Variants in NUP188 observed in about 807,000 individuals in gnomAD.
NUP188 encodes the protein nucleoporin 188.
A neutral mutation model predicts 223.0 loss-of-function variants in NUP188; 97 were observed. That is an observed-to-expected ratio of 0.43 (90% CI 0.37 to 0.51). NUP188 has a LOEUF of 0.51. Among genes scored for constraint, NUP188 ranks in the 20% least tolerant of loss-of-function variants. The pLI is 0.00. For missense variants in NUP188, 1,947 were observed against 2,175.6 expected (o/e 0.89, Z 2.09); for synonymous variants, 869 against 828.0 (o/e 1.05, Z -0.85).
Position 128,982,931 on chromosome 9 carries a change from C to T in NUP188, c.1699C>T (p.Pro567Ser). ...DVIQHCQRVK[P>S]IIDLVHKVIS... is the part of the protein sequence containing the mutation. ...GATTCAGCACTGCCAGCGAGTCAAACCCATCATTGATCTCGTCCATAAGGT... is the reference window on the plus strand; with the variant it reads ...GATTCAGCACTGCCAGCGAGTCAAATCCATCATTGATCTCGTCCATAAGGT... Residue 567 changes from proline to serine, a missense_variant, in exon 17 of 44, where the codon CCC becomes TCC. By Grantham distance (74) the Pro-to-Ser change is moderately conservative. Transcript: ENST00000372577. 6.2e-7 allele frequency: 1 copy of T among 1,614,166 alleles called. No homozygotes were observed. Among genetic ancestry groups the T allele is most frequent in the Non-Finnish European group, 8.5e-7 (1 of 1,180,022 alleles).
At chr9:128,991,324 G>T (rs1588286234) in intron 25 of NUP188, among the ~76,000 whole-genome samples, 1 of 151,968 alleles carries the variant, frequency 6.6e-6, no homozygotes, top group East Asian at 1.9e-4. Flanking sequence ...TGGATCATGA[G>T]GTCAGGGGTT....
chr9:128,964,869 C>A (rs1431479108), intron 8 of NUP188, among the ~76,000 whole-genome samples: 1 of 151,790 alleles, frequency 6.6e-6, no homozygotes, highest in Non-Finnish European at 1.5e-5. Context: ...ACCACGCCTT[C>A]CTAATTTGTG....
chr9:128,966,128 CGTGT>C (rs34851120), intron 8 of NUP188, among the ~76,000 whole-genome samples: 45,202 of 136,574 alleles, frequency 0.33, 6,978 homozygotes, highest in Middle Eastern at 0.43. Context: ...TTTCTGCCTC[CGTGT>C]GTGTGTGTGT....
At chr9:129,003,089 GC>G (rs1564568533) in intron 37 of NUP188, 114 bp downstream of exon 37, 1 of 1,260,246 alleles carries the variant, frequency 7.9e-7, no homozygotes, top group Non-Finnish European at 1.1e-6. Flanking sequence ...GGTTGTCGAT[GC>G]CTTCATTTTT....
intron 6 of NUP188, 103 bp from the exon 7 acceptor site, chr9:128,958,699 G>T (rs1364094775): frequency 3.9e-6 from 2 of 519,266 alleles, no homozygotes; most frequent in African/African-American, 1.9e-5. Flanking sequence ...TATATAAATT[G>T]AACTTTTCCA....
At position 128,995,367 on chromosome 9, in the gene NUP188, C is replaced by T. The variant is rs61737633; in HGVS notation, c.3204C>T (p.Ile1068=). The change falls in exon 30 of 44, where the codon ATC becomes ATT. Residue 1068 remains isoleucine (I), a synonymous_variant. Transcript: ENST00000372577. The part of the protein sequence containing the change: ...SLKDTLKKFS[I]EKRFAYWSGY... ...AGGATACACTGAAGAAATTTTCCAT[C>T]GAGAAACGCTTTGCCTACTGGTCAG... is the stretch of plus-strand genomic sequence containing the variant. 3.0e-4 allele frequency: 477 copies of T among 1,614,114 alleles called. 1 individual carries two copies. In the African/African-American group the frequency reaches 5.7e-3, roughly 19 times the overall value.
chr9:128,978,022 A>C (rs1035301444), intron 12 of NUP188, among the ~76,000 whole-genome samples: 1 of 152,136 alleles, frequency 6.6e-6, no homozygotes, highest in Non-Finnish European at 1.5e-5. Flanking sequence ...GAATTTGTCT[A>C]ACATTGTACA....
intron 25 of NUP188, among the ~76,000 whole-genome samples, chr9:128,990,621 T>G (rs549961970): frequency 3.3e-5 from 5 of 152,256 alleles, no homozygotes; most frequent in African/African-American, 1.2e-4. Context: ...TCCCAGCACT[T>G]TGGGAGGCCG....
At chr9:128,979,151 A>G (rs1203286769) in intron 12 of NUP188, 111 bp from the exon 13 acceptor site, 2 of 705,610 alleles carry the variant, frequency 2.8e-6, no homozygotes, top group South Asian at 1.8e-5. Flanking sequence ...TGGTCTTCCC[A>G]CTTTAGTGTT....
rs1842276697 is a variant in NUP188 at position 128,982,910 on chromosome 9, C to T, written c.1678C>T (p.Gln560Ter). 1.2e-6 allele frequency: 2 copies of T among 1,614,022 alleles called. No individual in the cohort carries two copies. Among genetic ancestry groups the T allele is most frequent in the Non-Finnish European group, 1.7e-6 (2 of 1,180,024 alleles). Residue 560 changes from glutamine (Q) to a stop codon, truncating the protein, a stop_gained, in exon 17 of 44, where the codon CAG becomes TAG. Transcript: ENST00000372577. LOFTEE classifies it high-confidence loss of function. ...LHVVSTADVIQHCQRVKPIID... is the reference protein window; with the variant it reads ...LHVVSTADVI ...GCTGTCTTTCTTCTCAGATGTGATTCAGCACTGCCAGCGAGTCAAACCCAT... is the reference window on the plus strand; with the variant it reads ...GCTGTCTTTCTTCTCAGATGTGATTTAGCACTGCCAGCGAGTCAAACCCAT...
intron 38 of NUP188, chr9:129,003,726 G>A (rs1842720869): frequency 2.1e-6 from 1 of 474,744 alleles, no homozygotes; most frequent in Non-Finnish European, 3.9e-6. Context: ...GGGCATGGTG[G>A]CTCACGCCTG....
chr9:128,953,247 T>C (rs959959945), intron 3 of NUP188, among the ~76,000 whole-genome samples: 4 of 152,232 alleles, frequency 2.6e-5, no homozygotes, highest in Non-Finnish European at 4.4e-5. Context: ...ACCTGACTTA[T>C]CAAAAGTTAT....
At chr9:128,960,470 C>G (rs1841932794) in intron 8 of NUP188, among the ~76,000 whole-genome samples, 1 of 152,128 alleles carries the variant, frequency 6.6e-6, no homozygotes, top group African/African-American at 2.4e-5. Context: ...ATCAAAAACA[C>G]AGCTACTTAA....
At chr9:128,956,202 T>C (rs1841867500) in intron 3 of NUP188, 148 bp from the exon 4 acceptor site, 1 of 461,310 alleles carries the variant, frequency 2.2e-6, no homozygotes, top group East Asian at 3.6e-5. Flanking sequence ...TGTGTGTGTG[T>C]GTGTGTGTGC....
rs141945010 is a variant in NUP188, at chr9:128,983,129, C to T, written c.1796+101C>T. ...GACACATACCCACTGGGTTAAAGTT[C>T]GCGCATATTCCTTGGTTTTCCTGTT... On this transcript the variant is annotated intron_variant, in intron 17 of 43. Coordinates refer to ENST00000372577, the MANE Select transcript of NUP188 (RefSeq NM_015354.3). The T allele has an allele frequency of 9.4e-5, 141 of 1,503,850 alleles. 1 individual carries two copies. The highest frequency in any genetic ancestry group is 3.0e-4 in the South Asian group (25 of 84,720). 93.2% of individuals were successfully genotyped at this position (1,503,850 alleles called of 1,614,324 possible).
intron 41 of NUP188, 113 bp downstream of exon 41, chr9:129,005,889 C>G (rs372846553): frequency 1.4e-6 from 2 of 1,441,858 alleles, no homozygotes; most frequent in Non-Finnish European, 1.9e-6. Flanking sequence ...CAAGCCTGCT[C>G]CTCTCTGTAA....
chr9:128,958,960 AT>A (rs1450532452), intron 7 of NUP188, 54 bp from the exon 8 acceptor site: 1 of 1,407,902 alleles, frequency 7.1e-7, no homozygotes, highest in Non-Finnish European at 9.6e-7. Context: ...ATTAATATTT[AT>A]TTGAATATTT....
At chr9:128,989,951 G>A (rs1266746908) in intron 24 of NUP188, among the ~76,000 whole-genome samples, 169 bp from the exon 25 acceptor site, 3 of 152,260 alleles carry the variant, frequency 2.0e-5, no homozygotes, top group Non-Finnish European at 4.4e-5. Flanking sequence ...CTATTCTTTT[G>A]CTCCTCAATC....
Position 128,995,329 on chromosome 9 carries a change from G to T in NUP188, c.3166G>T (p.Asp1056Tyr), listed in dbSNP as rs1225047731. The stretch of plus-strand genomic sequence containing the variant: ...TTCTTGACACTGTAGGGGTTCATTA[G>T]ACCAGTCATTAAAGGATACACTGAA... ...EIYYVVKGSL[D>Y]QSLKDTLKKF... The change falls in exon 30 of 44, where the codon GAC becomes TAC. Residue 1056 changes from aspartate (D) to tyrosine (Y), a missense_variant. Physicochemically the swap from Asp to Tyr is radical, Grantham distance 160. Coordinates refer to ENST00000372577, the MANE Select transcript of NUP188 (RefSeq NM_015354.3). The T allele has an allele frequency of 3.1e-6, 5 of 1,613,314 alleles. No individual in the cohort carries two copies. The highest frequency in any genetic ancestry group is 1.3e-5 in the African/African-American group (1 of 74,880).
Sources: gnomAD v4.1 joint callset for allele counts (sites outside exome capture counted in the v4.1 genomes callset) on GRCh38, gnomAD v4.1.1 for gene constraint, MANE v1.5 for transcripts, NCBI Gene and HGNC (gene_info 2026-07-23, HGNC 2026-07-21) for gene names.